Variants in ABCC6 observed in about 807,000 individuals in gnomAD.
ABCC6 encodes ATP-binding cassette sub-family C member 6.
Under a neutral mutation model 169.5 loss-of-function variants are expected in ABCC6, and 126 were observed. That is an observed-to-expected ratio of 0.74 (90% CI 0.64 to 0.86). ABCC6 has a LOEUF of 0.86. ABCC6 is among the 40% of genes least tolerant of loss of function. The pLI is 0.00. For missense variants in ABCC6, 1,733 were observed against 1,927.2 expected (o/e 0.90, Z 1.89); for synonymous variants, 752 against 814.7 (o/e 0.92, Z 1.31).
At chr16:16,190,063 A>ACGGGG (rs1262005206) in intron 12 of ABCC6, 101 bp downstream of exon 12, 1 of 1,265,708 alleles carries the variant, frequency 7.9e-7, no homozygotes, top group Admixed American at 1.8e-5. Flanking sequence ...GTTTTGATGG[A>ACGGGG]CGGGGTGGTA....
intron 10 of ABCC6, among the ~76,000 whole-genome samples, chr16:16,193,233 G>A (rs747088063): frequency 6.6e-6 from 1 of 152,164 alleles, no homozygotes; most frequent in Non-Finnish European, 1.5e-5. Flanking sequence ...CCAGCGCCAT[G>A]ACAGTTTACA....
At position 16,150,577 on chromosome 16, in the gene ABCC6, C is replaced by A. The variant is rs1006994885; in HGVS notation, c.4403+1G>T. 6.2e-7 allele frequency: 1 copy of A among 1,607,622 alleles called. No individual in the cohort carries two copies. The highest frequency in any genetic ancestry group is 8.5e-7 in the Non-Finnish European group (1 of 1,175,788). ...AGGTCAGGCCGGGGCGGGAGCCTTACCGGGCACAGTCCATCACGGAGCGCA... is the reference window on the plus strand; with the variant it reads ...AGGTCAGGCCGGGGCGGGAGCCTTAACGGGCACAGTCCATCACGGAGCGCA... On this transcript the variant is annotated splice_donor_variant, in intron 30 of 30. Coordinates refer to ENST00000205557, the MANE Select transcript of ABCC6 (RefSeq NM_001171.6). LOFTEE classifies it high-confidence loss of function.
At chr16:16,158,427 A>G (rs2046616641) in intron 26 of ABCC6, among the ~76,000 whole-genome samples, 1 of 143,280 alleles carries the variant, frequency 7.0e-6, no homozygotes, top group Non-Finnish European at 1.6e-5. Flanking sequence ...CATCCCACCC[A>G]TCCATCCATC....
rs1401327390 is a variant in ABCC6 at position 16,219,691 on chromosome 16, G to A, written c.346-9C>T. On this transcript the variant is annotated splice_polypyrimidine_tract_variant and intron_variant, in intron 3 of 30. Coordinates refer to ENST00000205557, the MANE Select transcript of ABCC6 (RefSeq NM_001171.6). ...AGGAACACTGCGAAGCTCTGGACGG[G>A]AAAGTCAGGGAGGCCCCTTAGGGGA... 4 of 1,380,140 alleles carry A rather than the reference G, an allele frequency of 2.9e-6. No homozygotes were observed. Among genetic ancestry groups the A allele is most frequent in the Non-Finnish European group, 4.0e-6 (4 of 1,005,922 alleles). The allele number at this position is 1,380,140 out of a possible 1,614,324, so 85.5% of individuals were successfully genotyped here. A position where few individuals can be genotyped will look rare whatever the true frequency, so the allele number is the denominator to read the frequency against.
At chr16:16,202,434 G>T (rs1303753628) in intron 8 of ABCC6, among the ~76,000 whole-genome samples, 1 of 152,102 alleles carries the variant, frequency 6.6e-6, no homozygotes, top group African/African-American at 2.4e-5. Flanking sequence ...AGGCTAAATT[G>T]TGTCCTCACA....
At chr16:16,164,352 A>G (rs1048208997) in intron 23 of ABCC6, among the ~76,000 whole-genome samples, 1 of 151,994 alleles carries the variant, frequency 6.6e-6, no homozygotes, top group East Asian at 1.9e-4. Flanking sequence ...TTTTTATCTG[A>G]CTACCATGTT....
At chr16:16,157,227 CA>C (rs2152215384) in intron 27 of ABCC6, among the ~76,000 whole-genome samples, 1 of 152,240 alleles carries the variant, frequency 6.6e-6, no homozygotes, top group East Asian at 1.9e-4. Flanking sequence ...TGTATTAACT[CA>C]AACTTCACAA....
Position 16,182,398 on chromosome 16 carries a change from C to A in ABCC6, c.2247+14G>T. 2 of 1,613,350 alleles carry A rather than the reference C, an allele frequency of 1.2e-6. No homozygotes were observed. The highest frequency in any genetic ancestry group is 1.7e-6 in the Non-Finnish European group (2 of 1,180,030). On this transcript the variant is annotated intron_variant, in intron 17 of 30. Transcript: ENST00000205557. The stretch of plus-strand genomic sequence containing the variant: ...CAATGTCTCCCTGTCCCAAAAAGAC[C>A]CCCAAACTCTCACCTGCTCCCCAAT...
chr16:16,205,758 C>A (rs1274784644), intron 7 of ABCC6, among the ~76,000 whole-genome samples: 1 of 152,180 alleles, frequency 6.6e-6, no homozygotes, highest in Non-Finnish European at 1.5e-5. Context: ...GGTGGGTAGA[C>A]TTTGCCTGTG....
In ABCC6 at chr16:16,173,360, G is replaced by C; in HGVS notation, c.2711C>G (p.Ala904Gly). ...VPEKDRTTSE[A>G]QTEVPLDDPD... ...GTCATCCAGAGGAACCTCTGTCTGG[G>C]CTTCTGAAGTGGTACGGTCCTTCTC... The change falls in exon 21 of 31, where the codon GCC (alanine) becomes GGC (glycine). Residue 904 changes from alanine (A) to glycine (G), a missense_variant. By Grantham distance (60) the Ala-to-Gly change is moderately conservative. Transcript: ENST00000205557. 3.1e-6 allele frequency: 5 copies of C among 1,614,072 alleles called. No individual in the cohort carries two copies. Among genetic ancestry groups the C allele is most frequent in the Non-Finnish European group, 4.2e-6 (5 of 1,180,018 alleles).
At chr16:16,150,380 G>A in intron 30 of ABCC6, 139 bp from the exon 31 acceptor site, 2 of 1,530,674 alleles carry the variant, frequency 1.3e-6, no homozygotes, top group Non-Finnish European at 1.8e-6. Context: ...CCTCACAGCT[G>A]GGTTGGAAGC....
At chr16:16,157,288 A>G (rs973913723) in intron 27 of ABCC6, among the ~76,000 whole-genome samples, 1 of 152,198 alleles carries the variant, frequency 6.6e-6, no homozygotes, top group African/African-American at 2.4e-5. Context: ...GGGAAAACTG[A>G]GACTGAGCTA....
chr16:16,208,734 G>A lies in ABCC6; in HGVS notation c.788C>T (p.Ala263Val), dbSNP rs751403636. Reference protein sequence around the residue: ...EKEWMRNRSAARRHNKAIAFK... With the variant: ...EKEWMRNRSAVRRHNKAIAFK... The stretch of plus-strand genomic sequence containing the variant: ...TTGACCTCCACCCACTTACCTCCGG[G>A]CTGCACTGCGGTTCCTCATCCACTC... Residue 263 changes from alanine to valine, a missense_variant, in exon 7 of 31, where the codon GCC (alanine) becomes GTC (valine). Ala to Val is a moderately conservative substitution (Grantham distance 64). Coordinates refer to ENST00000205557, the MANE Select transcript of ABCC6 (RefSeq NM_001171.6). 6.2e-7 allele frequency: 1 copy of A among 1,613,372 alleles called. No homozygotes were observed. Among genetic ancestry groups the A allele is most frequent in the Non-Finnish European group, 8.5e-7 (1 of 1,179,510 alleles).
At chr16:16,191,167 G>A (rs1441969321) in intron 11 of ABCC6, among the ~76,000 whole-genome samples, 2 of 152,126 alleles carry the variant, frequency 1.3e-5, no homozygotes, top group African/African-American at 2.4e-5. Flanking sequence ...CCAGGCTGGA[G>A]TGCAGTGGTG....
intron 17 of ABCC6, among the ~76,000 whole-genome samples, chr16:16,181,227 G>C (rs1431746038): frequency 2.0e-5 from 3 of 151,426 alleles, no homozygotes. Context: ...AGGATTGCTT[G>C]AACTACTCAT....
At chr16:16,218,005 G>A (rs1311414702) in intron 4 of ABCC6, among the ~76,000 whole-genome samples, 1 of 152,180 alleles carries the variant, frequency 6.6e-6, no homozygotes, top group Non-Finnish European at 1.5e-5. Context: ...TATGGGAATC[G>A]ATTGAACCCG....
At chr16:16,192,531 C>T (rs778241608) in intron 11 of ABCC6, among the ~76,000 whole-genome samples, 120 of 152,210 alleles carry the variant, frequency 7.9e-4, no homozygotes, top group Non-Finnish European at 1.3e-3. Context: ...GGAAGTGTGA[C>T]ATTTTGGATG....
chr16:16,189,977 T>C (rs2047790722), intron 12 of ABCC6, among the ~76,000 whole-genome samples, 187 bp downstream of exon 12: 1 of 152,090 alleles, frequency 6.6e-6, no homozygotes, highest in African/African-American at 2.4e-5. Context: ...CTGCCACCTT[T>C]GCTAGAATAA....
At chr16:16,168,531 G>A (rs887235597) in intron 22 of ABCC6, among the ~76,000 whole-genome samples, 23 of 152,008 alleles carry the variant, frequency 1.5e-4, no homozygotes, top group Non-Finnish European at 2.6e-4. Context: ...ACTCACATGT[G>A]CACTCCTGTT....
Sources: allele counts gnomAD v4.1 joint callset (sites outside exome capture counted in the v4.1 genomes callset), GRCh38; gene constraint gnomAD v4.1.1; transcripts MANE v1.5; gene names NCBI Gene and HGNC (gene_info 2026-07-23, HGNC 2026-07-21).